The following NR1I2 variants were observed in gnomAD, a reference collection of about 807,000 sequenced individuals.
The protein encoded by NR1I2 is nuclear receptor subfamily 1 group I member 2.
Under a neutral mutation model 43.3 loss-of-function variants are expected in NR1I2, and 42 were observed. The ratio of observed to expected loss-of-function variants is 0.97; its 90% CI spans 0.76 to 1.26. The LOEUF (loss-of-function observed/expected upper bound fraction) is 1.26, where lower values mean the gene tolerates loss of function less well. Ranked by LOEUF, NR1I2 falls within the 50% of genes most tolerant of loss-of-function variation. The probability of loss-of-function intolerance (pLI) is 0.00; values close to 1 mark genes in which losing one functional copy is unlikely to be tolerated. For missense variants in NR1I2, 559 were observed against 566.7 expected (o/e 0.99, Z 0.14); for synonymous variants, 229 against 215.0 (o/e 1.06, Z -0.57).
rs538208001 is a variant in NR1I2, at chr3:119,812,821, G to A, written c.655G>A (p.Asp219Asn). The A allele has an allele frequency of 6.8e-6, 11 of 1,614,232 alleles. No homozygotes were observed. The South Asian group carries it at 1.2e-4, about 18-fold the overall frequency. ...GGTCTCTCTGCAGCTGCGGGGGGAGGATGGCAGTGTCTGGAACTACAAACC... is the reference window on the plus strand; with the variant it reads ...GGTCTCTCTGCAGCTGCGGGGGGAGAATGGCAGTGTCTGGAACTACAAACC... The change falls in exon 5 of 9, where the codon GAT becomes AAT. Residue 219 changes from aspartate (D) to asparagine (N), a missense_variant. This residue lies in a region of NR1I2 where 323 missense variants were observed against 312.2 expected (regional missense o/e 1.03). Transcript: ENST00000393716.
chr3:119,801,298 A>T (rs2055077066), intron 1 of NR1I2, among the ~76,000 whole-genome samples: 1 of 152,248 alleles, frequency 6.6e-6, no homozygotes, highest in East Asian at 1.9e-4. Flanking sequence ...CACTCAGTAC[A>T]GGAGATGATC....
intron 1 of NR1I2, among the ~76,000 whole-genome samples, chr3:119,804,236 G>A (rs1342728836): frequency 4.0e-5 from 6 of 150,256 alleles, no homozygotes; most frequent in South Asian, 4.2e-4. Context: ...TTAGCCAGGC[G>A]TGGTGGCAGG....
chr3:119,787,623 T>A (rs2107945084), intron 1 of NR1I2, among the ~76,000 whole-genome samples: 1 of 151,742 alleles, frequency 6.6e-6, no homozygotes, highest in Non-Finnish European at 1.5e-5. Flanking sequence ...ACTTGCTTTT[T>A]TCTCTTTATC....
At chr3:119,811,334 A>C in intron 3 of NR1I2, 1 of 572,782 alleles carries the variant, frequency 1.7e-6, no homozygotes, top group Admixed American at 3.0e-5. Context: ...CACCAGCCTC[A>C]CCTCATCTCT....
intron 1 of NR1I2, among the ~76,000 whole-genome samples, chr3:119,799,271 G>T (rs1217874511): frequency 1.3e-5 from 2 of 152,050 alleles, no homozygotes; most frequent in Non-Finnish European, 2.9e-5. Context: ...AATTTGCCTT[G>T]CTCTAATAAT....
intron 2 of NR1I2, among the ~76,000 whole-genome samples, chr3:119,808,394 A>G (rs1179520719): frequency 6.6e-6 from 1 of 152,252 alleles, no homozygotes. Flanking sequence ...GAGTCCCCTC[A>G]CATTGGCTAG....
chr3:119,789,696 T>C (rs1365752946), intron 1 of NR1I2, among the ~76,000 whole-genome samples: 2 of 152,180 alleles, frequency 1.3e-5, no homozygotes, highest in Non-Finnish European at 2.9e-5. Context: ...TCACAACTTC[T>C]GTTTCCTCGG....
In NR1I2 at chr3:119,810,162, G is replaced by A. The variant is rs1386123286; in HGVS notation, c.299G>A (p.Arg100His). ...CGACAGTGCCAGGCCTGCCGCCTGC[G>A]CAAGTGCCTGGAGAGCGGCATGAAG... is the stretch of plus-strand genomic sequence containing the variant. Residue 100 changes from arginine (R) to histidine (H), a missense_variant, in exon 3 of 9, where the codon CGC (arginine) becomes CAC (histidine). By Grantham distance (29) the Arg-to-His change is conservative. This residue lies in a region of NR1I2 where 232 missense variants were observed against 236.6 expected (regional missense o/e 0.98). Coordinates refer to ENST00000393716, the MANE Select transcript of NR1I2 (RefSeq NM_003889.4). The A allele has an allele frequency of 5.0e-6, 8 of 1,611,974 alleles. No homozygotes were observed. Among genetic ancestry groups the A allele is most frequent in the African/African-American group, 2.7e-5 (2 of 74,928 alleles).
Position 119,817,918 on chromosome 3 carries a change from A to G in NR1I2, c.*706A>G, listed in dbSNP as rs1394716075. The stretch of plus-strand genomic sequence containing the variant: ...GGGTATACAGCATTGACTCAGATAT[A>G]GATCCTGAGCTCACAGAGTTTATAG... On this transcript the variant is annotated 3_prime_UTR_variant, in exon 9 of 9. Coordinates refer to ENST00000393716, the MANE Select transcript of NR1I2 (RefSeq NM_003889.4). The G allele has an allele frequency of 1.0e-6, 1 of 981,862 alleles. No individual in the cohort carries two copies. Among genetic ancestry groups the G allele is most frequent in the Non-Finnish European group, 1.2e-6 (1 of 826,726 alleles). 60.8% of individuals were successfully genotyped at this position (981,862 alleles called of 1,614,324 possible).
chr3:119,793,694 T>A (rs1433361859), intron 1 of NR1I2, among the ~76,000 whole-genome samples: 1 of 152,188 alleles, frequency 6.6e-6, no homozygotes, highest in Non-Finnish European at 1.5e-5. Flanking sequence ...TTCAGCACAC[T>A]CCCCATCTCC....
At chr3:119,790,080 A>G (rs1224847557) in intron 1 of NR1I2, among the ~76,000 whole-genome samples, 1 of 151,540 alleles carries the variant, frequency 6.6e-6, no homozygotes, top group East Asian at 1.9e-4. Context: ...CCATTAAACA[A>G]CTCCCATTCC....
chr3:119,811,917 A>G (rs1012580825), intron 4 of NR1I2, among the ~76,000 whole-genome samples, 191 bp downstream of exon 4: 2 of 152,152 alleles, frequency 1.3e-5, no homozygotes, highest in African/African-American at 4.8e-5. Context: ...AGGTTCTGAA[A>G]GTGTGGTCCC....
chr3:119,792,666 G>A (rs2054937887), intron 1 of NR1I2: 1 of 533,070 alleles, frequency 1.9e-6, no homozygotes, highest in Non-Finnish European at 3.4e-6. Context: ...TTCATGATTG[G>A]CTTAAAGTGA....
At chr3:119,801,537 A>G (rs952326702) in intron 1 of NR1I2, among the ~76,000 whole-genome samples, 1 of 152,244 alleles carries the variant, frequency 6.6e-6, no homozygotes, top group Non-Finnish European at 1.5e-5. Context: ...GAAGAGTGGC[A>G]TGGGAGCAGG....
At chr3:119,792,885 A>G (rs1294718431) in intron 1 of NR1I2, among the ~76,000 whole-genome samples, 1 of 151,978 alleles carries the variant, frequency 6.6e-6, no homozygotes, top group East Asian at 1.9e-4. Context: ...AAAAACAAAA[A>G]ACAAACAAAA....
intron 1 of NR1I2, chr3:119,792,263 G>A: frequency 6.5e-7 from 1 of 1,541,658 alleles, no homozygotes; most frequent in South Asian, 1.2e-5. Context: ...TGGTCTCCAG[G>A]CAGGTGAGCG....
intron 2 of NR1I2, among the ~76,000 whole-genome samples, chr3:119,808,807 A>G (rs1394434741): frequency 6.6e-6 from 1 of 152,250 alleles, no homozygotes; most frequent in Non-Finnish European, 1.5e-5. Context: ...GGGTTTTAGA[A>G]CTAAATTTAC....
At chr3:119,791,837 T>A (rs2054923226) in intron 1 of NR1I2, 1 of 543,108 alleles carries the variant, frequency 1.8e-6, no homozygotes, top group Non-Finnish European at 3.6e-6. Context: ...GCCAAGTGTT[T>A]GAGTCCATCG....
At chr3:119,816,678 C>T (rs1229325764) in intron 8 of NR1I2, among the ~76,000 whole-genome samples, 2 of 151,946 alleles carry the variant, frequency 1.3e-5, no homozygotes, top group African/African-American at 4.8e-5. Context: ...AAAAATTAGC[C>T]AGGTATGGTG....
Sources: gnomAD v4.1 joint callset for allele counts (sites outside exome capture counted in the v4.1 genomes callset) on GRCh38, gnomAD v4.1.1 for gene constraint, gnomAD v4.1.1 regional missense constraint, MANE v1.5 for transcripts, NCBI Gene and HGNC (gene_info 2026-07-23, HGNC 2026-07-21) for gene names.